Variants in PLCG2 observed in about 807,000 individuals in gnomAD.
The protein encoded by PLCG2 is phospholipase C gamma 2.
Under a neutral mutation model 175.6 loss-of-function variants are expected in PLCG2, and 69 were observed. The ratio of observed to expected loss-of-function variants is 0.39; its 90% CI spans 0.32 to 0.48. The LOEUF (loss-of-function observed/expected upper bound fraction) is 0.48, where lower values mean the gene tolerates loss of function less well. PLCG2 is among the 20% of genes least tolerant of loss of function. PLCG2 has a pLI of 0.91. For missense variants in PLCG2, 1,798 were observed against 1,650.9 expected, an observed-to-expected ratio of 1.09 and a Z score of -1.54; for synonymous variants, 827 against 624.0, an observed-to-expected ratio of 1.33 and a Z score of -4.85.
chr16:81,893,257 A>G (rs1908723065), intron 11 of PLCG2, among the ~76,000 whole-genome samples: 1 of 152,162 alleles, frequency 6.6e-6, no homozygotes, highest in South Asian at 2.1e-4. Context: ...TATGGCTCCT[A>G]GCATAGCCGA....
rs751910710 is a variant in PLCG2 at position 81,958,038 on chromosome 16, A to C, written c.*40A>C. On this transcript the variant is annotated 3_prime_UTR_variant, in exon 33 of 33. Coordinates refer to ENST00000564138, the MANE Select transcript of PLCG2 (RefSeq NM_002661.5). ...GTGTAAGGGTATTGTGTGTGTGCGC[A>C]TGTGTGTTTGCATGTAGGAGAACGT... 10 of 1,440,032 alleles carry C rather than the reference A, an allele frequency of 6.9e-6. No individual in the cohort carries two copies. Among genetic ancestry groups the C allele is most frequent in the South Asian group, 4.6e-5 (4 of 87,488 alleles). 89.2% of individuals were successfully genotyped at this position (1,440,032 alleles called of 1,614,324 possible).
intron 2 of PLCG2, among the ~76,000 whole-genome samples, chr16:81,806,498 C>T (rs868751434): frequency 2.0e-5 from 3 of 152,118 alleles, no homozygotes; most frequent in Middle Eastern, 3.4e-3. Context: ...CACAGTAGAA[C>T]CTTTCTTGGG....
intron 15 of PLCG2, 82 bp from the exon 16 acceptor site, chr16:81,907,603 G>GTGAC (rs1413077519): frequency 3.5e-6 from 3 of 869,340 alleles, no homozygotes; most frequent in Non-Finnish European, 5.7e-6. Context: ...AGATGCTGGG[G>GTGAC]TGACGCCCTG....
intron 5 of PLCG2, among the ~76,000 whole-genome samples, chr16:81,866,362 T>G (rs58039411): frequency 1.1e-5 from 1 of 87,606 alleles, no homozygotes; most frequent in Non-Finnish European, 2.2e-5. Flanking sequence ...TGCTCCCAGG[T>G]TGAGCTCCAC....
intron 17 of PLCG2, among the ~76,000 whole-genome samples, chr16:81,909,597 T>C (rs920681903): frequency 3.9e-5 from 6 of 152,182 alleles, no homozygotes; most frequent in African/African-American, 1.4e-4. Flanking sequence ...TTAAATTTTT[T>C]GTAGAGCTGG....
chr16:81,923,586 CG>C lies in PLCG2; in HGVS notation c.2414del (p.Gly805AlafsTer31). 1.9e-6 allele frequency: 3 copies of C among 1,606,600 alleles called. No homozygotes were observed. The highest frequency in any genetic ancestry group is 2.6e-6 in the Non-Finnish European group (3 of 1,173,622). ...TCATCCACAATGTCTCCAAGGAGCC[CG>C]GGGGCTGGTAAGGCTGAGTGGAGGC... is the stretch of plus-strand genomic sequence containing the variant. ...ALIHNVSKEP[G>X]GWWKGDYGTR... On this transcript the variant is annotated frameshift_variant, in exon 22 of 33. Transcript: ENST00000564138. LOFTEE classifies it high-confidence loss of function.
intron 7 of PLCG2, among the ~76,000 whole-genome samples, chr16:81,872,899 C>T (rs1907586359): frequency 6.6e-6 from 1 of 152,248 alleles, no homozygotes; most frequent in Non-Finnish European, 1.5e-5. Context: ...TAATTGCTTT[C>T]TGCATGCAGA....
At chr16:81,758,648 C>T (rs887056066) in intron 2 of PLCG2, among the ~76,000 whole-genome samples, 3 of 151,686 alleles carry the variant, frequency 2.0e-5, no homozygotes, top group Admixed American at 1.3e-4. Context: ...TCTCCATATC[C>T]TCACCAATAC....
chr16:81,921,812 G>A (rs575187218), intron 21 of PLCG2, among the ~76,000 whole-genome samples: 24 of 152,328 alleles, frequency 1.6e-4, no homozygotes, highest in African/African-American at 5.8e-4. Flanking sequence ...AGTGTACAAC[G>A]CTCACTTAGG....
intron 19 of PLCG2, among the ~76,000 whole-genome samples, chr16:81,916,869 C>G (rs1909865937): frequency 6.6e-6 from 1 of 152,112 alleles, no homozygotes; most frequent in Non-Finnish European, 1.5e-5. Context: ...AACTGCTGAC[C>G]TCTGGTGATC....
chr16:81,890,818 T>C (rs1315036963), intron 10 of PLCG2, among the ~76,000 whole-genome samples: 5 of 152,340 alleles, frequency 3.3e-5, no homozygotes, highest in African/African-American at 9.6e-5. Flanking sequence ...ACTCTGTTTC[T>C]TAAGTTGGGT....
At position 81,804,658 on chromosome 16, in the gene PLCG2, A is replaced by G. The variant is rs556588287; in HGVS notation, c.193+18476A>G. 6.6e-5 allele frequency among the ~76,000 whole-genome samples: 10 copies of G among 152,318 alleles called. No homozygotes were observed. In the South Asian group the frequency reaches 1.4e-3, roughly 22 times the overall value. ...CGGTGAAGCATAGCACAGACTTTTC[A>G]TCATTTCAAGGTTTAACGCCTCAGC... is the stretch of plus-strand genomic sequence containing the variant. On this transcript the variant is annotated intron_variant, in intron 2 of 32. Transcript: ENST00000564138.
chr16:81,879,870 C>T lies in PLCG2; in HGVS notation c.649-1040C>T, dbSNP rs913673876. 2.6e-5 allele frequency among the ~76,000 whole-genome samples: 4 copies of T among 152,276 alleles called. No homozygotes were observed. The East Asian group carries it at 5.8e-4, about 22-fold the overall frequency. On this transcript the variant is annotated intron_variant, in intron 7 of 32. Transcript: ENST00000564138. Reference sequence around the variant, plus strand: ...CCTCTTCATCATGCAACAGTTGGCACGGCAGTGGGCTGTGAAGAGAGGAGC... The same window carrying T: ...CCTCTTCATCATGCAACAGTTGGCATGGCAGTGGGCTGTGAAGAGAGGAGC...
intron 1 of PLCG2, among the ~76,000 whole-genome samples, 200 bp downstream of exon 1, chr16:81,779,624 G>T (rs1268092858): frequency 6.6e-6 from 1 of 152,102 alleles, no homozygotes; most frequent in Non-Finnish European, 1.5e-5. Context: ...TGGCCCAGCC[G>T]CTGGCCACTT....
At chr16:81,910,041 T>C (rs1909550009) in intron 17 of PLCG2, among the ~76,000 whole-genome samples, 1 of 151,844 alleles carries the variant, frequency 6.6e-6, no homozygotes, top group Admixed American at 6.6e-5. Flanking sequence ...GGTAGAATGT[T>C]CTGGAATCCA....
upstream of PLCG2, among the ~76,000 whole-genome samples, chr16:81,778,774 A>G (rs898007121): frequency 4.6e-5 from 7 of 152,154 alleles, no homozygotes; most frequent in African/African-American, 9.7e-5. Context: ...TGAATTGGCA[A>G]TTCCTGGCGG....
chr16:81,960,386 C>T lies in PLCG2; in HGVS notation c.*2388C>T. The T allele has an allele frequency of 4.5e-6, 1 of 221,620 alleles. No homozygotes were observed. The highest frequency in any genetic ancestry group is 1.8e-4 in the South Asian group (1 of 5,420). 13.7% of individuals were successfully genotyped at this position (221,620 alleles called of 1,614,324 possible). On this transcript the variant is annotated 3_prime_UTR_variant, in exon 33 of 33. Transcript: ENST00000564138. ...ACAGGCACATTCTGAAAGATGGAAG[C>T]AGCACTGATAGATCAAAACCACCAC... is the stretch of plus-strand genomic sequence containing the variant.
intron 26 of PLCG2, chr16:81,935,889 T>TGA (rs1490743606): frequency 4.1e-6 from 4 of 985,328 alleles, no homozygotes; most frequent in Non-Finnish European, 4.8e-6. Context: ...TGTGTTTTCT[T>TGA]GTTCAAGGAT....
At chr16:81,874,295 G>T (rs1453064697) in intron 7 of PLCG2, among the ~76,000 whole-genome samples, 1 of 152,160 alleles carries the variant, frequency 6.6e-6, no homozygotes, top group African/African-American at 2.4e-5. Flanking sequence ...ATACAGCTCT[G>T]TCTGCTCATT....
Sources: allele counts gnomAD v4.1 joint callset (sites outside exome capture counted in the v4.1 genomes callset), GRCh38; gene constraint gnomAD v4.1.1; transcripts MANE v1.5; gene names NCBI Gene and HGNC (gene_info 2026-07-23, HGNC 2026-07-21).